The following ADAM17 variants were observed in gnomAD, a reference collection of about 807,000 sequenced individuals.
ADAM17 encodes ADAM metallopeptidase domain 17, also known as disintegrin and metalloproteinase domain-containing protein 17.
In ADAM17, 39 loss-of-function variants were observed where a neutral mutation model predicts 96.7. The ratio of observed to expected loss-of-function variants is 0.40; its 90% CI spans 0.31 to 0.53. The LOEUF (loss-of-function observed/expected upper bound fraction) is 0.53, where lower values mean the gene tolerates loss of function less well. Ranked by LOEUF, ADAM17 falls within the 20% of genes least tolerant of loss-of-function variation. The pLI is 0.44. For missense variants in ADAM17, 777 were observed against 1,013.2 expected (o/e 0.77, Z 3.17); for synonymous variants, 344 against 359.2 (o/e 0.96, Z 0.48).
chr2:9,520,755 G>C (rs1047909717), intron 8 of ADAM17, among the ~76,000 whole-genome samples: 1 of 151,836 alleles, frequency 6.6e-6, no homozygotes, highest in African/African-American at 2.4e-5. Flanking sequence ...TCTGAGGTCG[G>C]GAGTTCAAGA....
chr2:9,492,119 G>A (rs1662205733), intron 17 of ADAM17, among the ~76,000 whole-genome samples: 2 of 152,184 alleles, frequency 1.3e-5, no homozygotes, highest in African/African-American at 4.8e-5. Context: ...GAGGCAGTAG[G>A]AAAAACTCCT....
intron 1 of ADAM17, among the ~76,000 whole-genome samples, chr2:9,544,790 C>A (rs1665343522): frequency 6.6e-6 from 1 of 151,600 alleles, no homozygotes; most frequent in Non-Finnish European, 1.5e-5. Context: ...CACATCACTG[C>A]ACTCCAGCCT....
Position 9,491,137 on chromosome 2 carries a change from A to T in ADAM17, c.2097T>A (p.Asp699Glu), listed in dbSNP as rs765883520. The T allele has an allele frequency of 2.2e-5, 35 of 1,613,088 alleles. No individual in the cohort carries two copies. Among genetic ancestry groups the T allele is most frequent in the Non-Finnish European group, 2.8e-5 (33 of 1,179,284 alleles). ...ACAGAGACAGAGATTCATACTGTTTATCCAATTTCTTATCCTAGAAAGAAA... is the reference window on the plus strand; with the variant it reads ...ACAGAGACAGAGATTCATACTGTTTTTCCAATTTCTTATCCTAGAAAGAAA... ...ILVHCVDKKL[D>E]KQYESLSLFH... is the part of the protein sequence containing the mutation. Residue 699 changes from aspartate to glutamate, a missense_variant, in exon 18 of 19, where the codon GAT (aspartate) becomes GAA (glutamate). Coordinates refer to ENST00000310823, the MANE Select transcript of ADAM17 (RefSeq NM_003183.6).
intron 1 of ADAM17, among the ~76,000 whole-genome samples, chr2:9,547,064 C>T (rs1180216247): frequency 6.6e-6 from 1 of 152,222 alleles, no homozygotes; most frequent in African/African-American, 2.4e-5. Flanking sequence ...AATGAGAGCA[C>T]CTTCCTTACT....
rs1218365065 is a variant in ADAM17, at chr2:9,502,232, G to A, written c.1589C>T (p.Ala530Val). ...PCCKNCQFET[A>V]QKKCQEAINA... ...AATCGCCTCCTGGCACTTCTTCTGG[G>A]CAGTCTCAAACTGACAGTTTTTACA... Residue 530 changes from alanine (A) to valine (V), a missense_variant, in exon 13 of 19, where the codon GCC (alanine) becomes GTC (valine). Ala to Val is a moderately conservative substitution (Grantham distance 64). This residue lies in a region of ADAM17 where 446 missense variants were observed against 664.7 expected (regional missense o/e 0.67). Coordinates refer to ENST00000310823, the MANE Select transcript of ADAM17 (RefSeq NM_003183.6). 6.2e-7 allele frequency: 1 copy of A among 1,614,006 alleles called. No homozygotes were observed. The highest frequency in any genetic ancestry group is 8.5e-7 in the Non-Finnish European group (1 of 1,180,018).
chr2:9,553,125 T>C (rs1665632759), intron 1 of ADAM17, among the ~76,000 whole-genome samples: 1 of 152,174 alleles, frequency 6.6e-6, no homozygotes, highest in Admixed American at 6.5e-5. Context: ...TGTTCATCAT[T>C]GACAACTGAC....
chr2:9,495,781 C>T (rs962045998), intron 14 of ADAM17, among the ~76,000 whole-genome samples: 1 of 150,990 alleles, frequency 6.6e-6, no homozygotes, highest in African/African-American at 2.4e-5. Context: ...TTTACTGTGT[C>T]GGGCTCTGTC....
intron 1 of ADAM17, 46 bp downstream of exon 1, chr2:9,555,463 C>A (rs773001927): frequency 1.3e-6 from 2 of 1,491,568 alleles, no homozygotes; most frequent in African/African-American, 1.4e-5. Context: ...TTCCCTCAAA[C>A]GAGCGCTCCA....
chr2:9,542,334 G>C (rs889165113), intron 2 of ADAM17, among the ~76,000 whole-genome samples: 1 of 152,156 alleles, frequency 6.6e-6, no homozygotes, highest in Non-Finnish European at 1.5e-5. Flanking sequence ...GAGCCCAGAA[G>C]TTCAAGATCA....
chr2:9,503,573 G>C (rs1272468191), intron 12 of ADAM17, among the ~76,000 whole-genome samples: 2 of 152,166 alleles, frequency 1.3e-5, no homozygotes, highest in African/African-American at 4.8e-5. Flanking sequence ...AGGAGCAGTG[G>C]CTCACGCCTG....
chr2:9,545,736 G>C (rs1261790436), intron 1 of ADAM17, among the ~76,000 whole-genome samples: 1 of 152,162 alleles, frequency 6.6e-6, no homozygotes, highest in East Asian at 1.9e-4. Context: ...GTTGGATGTT[G>C]TAACACTTCC....
intron 11 of ADAM17, 107 bp from the exon 12 acceptor site, chr2:9,505,472 T>C: frequency 8.5e-7 from 1 of 1,174,478 alleles, no homozygotes; most frequent in South Asian, 1.3e-5. Context: ...AAAACCACCA[T>C]CAGAGCCACC....
chr2:9,509,937 C>T, intron 11 of ADAM17, 42 bp downstream of exon 11: 1 of 1,607,898 alleles, frequency 6.2e-7, no homozygotes, highest in South Asian at 1.1e-5. Flanking sequence ...TTATACACAG[C>T]CTCTTTCCAA....
intron 13 of ADAM17, among the ~76,000 whole-genome samples, chr2:9,499,134 GGTT>G (rs1304824784): frequency 3.1e-5 from 4 of 128,522 alleles, no homozygotes; most frequent in African/African-American, 1.6e-4. Context: ...TTTTTTTTGA[GGTT>G]GTTGTTCTCT....
intron 8 of ADAM17, among the ~76,000 whole-genome samples, chr2:9,519,805 C>T (rs1572929637): frequency 6.6e-6 from 1 of 152,198 alleles, no homozygotes; most frequent in East Asian, 1.9e-4. Flanking sequence ...AAGAAATCAA[C>T]CCTGCTGACC....
chr2:9,551,452 T>C (rs1405445219), intron 1 of ADAM17, among the ~76,000 whole-genome samples: 1 of 152,170 alleles, frequency 6.6e-6, no homozygotes, highest in East Asian at 1.9e-4. Flanking sequence ...TAAAATTCAT[T>C]TATGTTTCAT....
intron 5 of ADAM17, among the ~76,000 whole-genome samples, chr2:9,526,879 A>G (rs886633713): frequency 2.6e-5 from 4 of 152,240 alleles, no homozygotes; most frequent in Non-Finnish European, 4.4e-5. Flanking sequence ...GTCATATTCT[A>G]CAACAAGAAG....
intron 17 of ADAM17, 146 bp downstream of exon 17, chr2:9,492,752 C>G: frequency 1.7e-6 from 1 of 586,156 alleles, no homozygotes; most frequent in Non-Finnish European, 2.9e-6. Flanking sequence ...AAGACATGTT[C>G]CCCTAGGAAT....
chr2:9,537,929 AG>A (rs1665040149), intron 2 of ADAM17, among the ~76,000 whole-genome samples: 1 of 15,904 alleles, frequency 6.3e-5, no homozygotes, highest in East Asian at 1.5e-3. Flanking sequence ...AGGGGAGGAG[AG>A]GGGGAGGAGA....
Sources: allele counts gnomAD v4.1 joint callset (sites outside exome capture counted in the v4.1 genomes callset), GRCh38; gene constraint gnomAD v4.1.1; regional missense constraint gnomAD v4.1.1; transcripts MANE v1.5; gene names NCBI Gene and HGNC (gene_info 2026-07-23, HGNC 2026-07-21).